LHPP: variants seen among roughly 807,000 people sequenced by gnomAD.
LHPP encodes hLHPP.
Under a neutral mutation model 30.3 loss-of-function variants are expected in LHPP, and 24 were observed. The observed-to-expected ratio is 0.79, with a 90% CI of 0.57 to 1.11. LHPP has a LOEUF of 1.11. Ranked by LOEUF, LHPP falls within the 50% of genes most tolerant of loss-of-function variation. LHPP has a pLI of 0.00. For missense variants in LHPP, 356 were observed against 367.2 expected (o/e 0.97, Z 0.25); for synonymous variants, 150 against 157.1 (o/e 0.95, Z 0.34).
In LHPP at chr10:124,505,674, C is replaced by T. The variant is rs768571296; in HGVS notation, c.624+7546C>T. Among the ~76,000 whole-genome samples the T allele has an allele frequency of 3.9e-5, 6 of 152,188 alleles. No homozygotes were observed. In the East Asian group the frequency reaches 5.8e-4, roughly 15 times the overall value. ...TACTTCTAGAAATATCTAATTCTCA[C>T]GGTTTAAGCTTCTGAATCAGTGGAT... On this transcript the variant is annotated intron_variant, in intron 5 of 6. Coordinates refer to ENST00000368842, the MANE Select transcript of LHPP (RefSeq NM_022126.4).
intron 6 of LHPP, among the ~76,000 whole-genome samples, chr10:124,567,339 C>T (rs1017101502): frequency 2.0e-5 from 3 of 152,196 alleles, no homozygotes; most frequent in Non-Finnish European, 4.4e-5. Context: ...AGTGCACGCC[C>T]GGGCCGACCA....
At chr10:124,484,710 G>A (rs1450706328) in intron 2 of LHPP, among the ~76,000 whole-genome samples, 1 of 151,714 alleles carries the variant, frequency 6.6e-6, no homozygotes, top group African/African-American at 2.4e-5. Flanking sequence ...ATGAGAATGA[G>A]AATGAATGAA....
intron 6 of LHPP, among the ~76,000 whole-genome samples, chr10:124,533,450 G>T (rs1421863974): frequency 6.6e-6 from 1 of 152,204 alleles, no homozygotes; most frequent in African/African-American, 2.4e-5. Flanking sequence ...CAGCCTGGAG[G>T]CTTCCCTTAC....
intron 1 of LHPP, among the ~76,000 whole-genome samples, chr10:124,483,397 C>T (rs1953204505): frequency 6.6e-6 from 1 of 152,138 alleles, no homozygotes; most frequent in Non-Finnish European, 1.5e-5. Context: ...TAGCTGTGGA[C>T]ATTCAGAGGT....
intron 6 of LHPP, among the ~76,000 whole-genome samples, chr10:124,580,157 C>T (rs531431605): frequency 2.8e-4 from 43 of 152,324 alleles, no homozygotes; most frequent in Middle Eastern, 3.4e-3. Flanking sequence ...ACATTTCACT[C>T]CCACTCGTTT....
chr10:124,579,005 G>A (rs1248569400), intron 6 of LHPP, among the ~76,000 whole-genome samples: 2 of 151,928 alleles, frequency 1.3e-5, no homozygotes, highest in African/African-American at 2.4e-5. Context: ...CTGGCTGCTT[G>A]AAGCTGGCAC....
intron 6 of LHPP, among the ~76,000 whole-genome samples, chr10:124,608,410 C>T (rs1213427759): frequency 2.0e-5 from 3 of 152,192 alleles, no homozygotes. Context: ...CACAACAGCG[C>T]CCACACCCGC....
At chr10:124,529,712 C>G (rs539572630) in intron 6 of LHPP, among the ~76,000 whole-genome samples, 32 of 152,320 alleles carry the variant, frequency 2.1e-4, no homozygotes, top group African/African-American at 7.7e-4. Flanking sequence ...TCTGTCCCAG[C>G]ATCCCCTCTC....
chr10:124,498,021 T>C lies in LHPP; in HGVS notation c.532-15T>C. Reference sequence around the variant, plus strand: ...TGATCCCAAACTTATGCCATGTCCCTCTCTCTTTTCCCAGTATGCCTGTGG... The same window carrying C: ...TGATCCCAAACTTATGCCATGTCCCCCTCTCTTTTCCCAGTATGCCTGTGG... On this transcript the variant is annotated splice_polypyrimidine_tract_variant and intron_variant, in intron 4 of 6. Coordinates refer to ENST00000368842, the MANE Select transcript of LHPP (RefSeq NM_022126.4). 6.2e-7 allele frequency: 1 copy of C among 1,606,446 alleles called. No homozygotes were observed. Among genetic ancestry groups the C allele is most frequent in the Non-Finnish European group, 8.5e-7 (1 of 1,172,904 alleles).
chr10:124,512,443 C>T (rs527555473), intron 5 of LHPP, among the ~76,000 whole-genome samples: 2 of 151,952 alleles, frequency 1.3e-5, no homozygotes, highest in African/African-American at 2.4e-5. Context: ...GGTGAAACCC[C>T]GTCTCTACTA....
chr10:124,489,167 C>T (rs1953434240), intron 3 of LHPP, among the ~76,000 whole-genome samples: 1 of 152,122 alleles, frequency 6.6e-6, no homozygotes, highest in African/African-American at 2.4e-5. Context: ...AGCACATGTT[C>T]ATTGAAGAAA....
intron 6 of LHPP, among the ~76,000 whole-genome samples, chr10:124,597,773 A>T (rs771233850): frequency 1.3e-5 from 2 of 152,174 alleles, no homozygotes; most frequent in Non-Finnish European, 2.9e-5. Flanking sequence ...TGGGGGGTGC[A>T]TACAGACCTC....
At chr10:124,543,129 T>C (rs1226580072) in intron 6 of LHPP, among the ~76,000 whole-genome samples, 1 of 152,212 alleles carries the variant, frequency 6.6e-6, no homozygotes, top group Non-Finnish European at 1.5e-5. Context: ...GACAGGGCCT[T>C]GTCCGAGGGT....
intron 6 of LHPP, among the ~76,000 whole-genome samples, chr10:124,520,172 G>A (rs1954574892): frequency 6.6e-6 from 1 of 151,978 alleles, no homozygotes. Flanking sequence ...AGGGGTACAT[G>A]TGCAGGTTCA....
intron 1 of LHPP, among the ~76,000 whole-genome samples, chr10:124,473,509 A>G (rs960401808): frequency 2.7e-5 from 4 of 147,802 alleles, no homozygotes; most frequent in African/African-American, 1.1e-4. Flanking sequence ...TGGGTTTCCA[A>G]TCCCAGCTCT....
intron 6 of LHPP, among the ~76,000 whole-genome samples, chr10:124,568,745 G>A (rs1158720843): frequency 2.0e-5 from 3 of 152,176 alleles, no homozygotes; most frequent in Non-Finnish European, 4.4e-5. Context: ...TGTCCCCAGG[G>A]CAGTGAGGAG....
intron 6 of LHPP, among the ~76,000 whole-genome samples, chr10:124,584,442 C>G (rs999055983): frequency 6.6e-6 from 1 of 151,882 alleles, no homozygotes; most frequent in Non-Finnish European, 1.5e-5. Flanking sequence ...TATCAAGGCA[C>G]TGGTAGGTTG....
chr10:124,468,700 C>T (rs1002975670), intron 1 of LHPP, among the ~76,000 whole-genome samples: 2 of 152,352 alleles, frequency 1.3e-5, no homozygotes, highest in African/African-American at 2.4e-5. Context: ...CCCACACCAG[C>T]GTGCCCTTCG....
chr10:124,518,936 T>TTG (rs1463456342), intron 6 of LHPP, among the ~76,000 whole-genome samples: 2 of 152,028 alleles, frequency 1.3e-5, no homozygotes, highest in Non-Finnish European at 2.9e-5. Flanking sequence ...GAAACTCTGT[T>TTG]TTTTTGTTTT....
Sources: gnomAD v4.1 joint callset for allele counts (sites outside exome capture counted in the v4.1 genomes callset) on GRCh38, gnomAD v4.1.1 for gene constraint, MANE v1.5 for transcripts, NCBI Gene and HGNC (gene_info 2026-07-23, HGNC 2026-07-21) for gene names.